Variants in CBLB observed in about 807,000 individuals in gnomAD.
CBLB encodes Cbl proto-oncogene B, also known as E3 ubiquitin-protein ligase CBL-B.
In CBLB, 31 loss-of-function variants were observed where a neutral mutation model predicts 104.9. The ratio of observed to expected loss-of-function variants is 0.30; its 90% CI spans 0.22 to 0.40. The LOEUF is 0.40. Among genes scored for constraint, CBLB ranks in the 10% least tolerant of loss-of-function variants. CBLB has a pLI of 1.00. For synonymous variants in CBLB, 440 were observed against 422.6 expected (o/e 1.04, Z -0.51); for missense variants, 1,062 against 1,214.6 (o/e 0.87, Z 1.87).
intron 10 of CBLB, among the ~76,000 whole-genome samples, chr3:105,704,579 G>C (rs2069780427): frequency 1.3e-5 from 2 of 151,764 alleles, no homozygotes; most frequent in Non-Finnish European, 2.9e-5. Flanking sequence ...CTAATACTTA[G>C]CTATTGCTTT....
At chr3:105,689,862 A>G (rs759193691) in intron 13 of CBLB, among the ~76,000 whole-genome samples, 4 of 152,094 alleles carry the variant, frequency 2.6e-5, no homozygotes, top group African/African-American at 2.4e-5. Flanking sequence ...GAAACCATTT[A>G]GAAAAAAACA....
At chr3:105,703,911 TG>T (rs1240512903) in intron 11 of CBLB, 76 bp downstream of exon 11, 1 of 1,361,200 alleles carries the variant, frequency 7.3e-7, no homozygotes, top group Non-Finnish European at 1.0e-6. Context: ...ATATGAGTAA[TG>T]GAATTTAAAA....
In CBLB at chr3:105,719,456, C is replaced by T. The variant is rs1365298991; in HGVS notation, c.1407+591G>A. Among the ~76,000 whole-genome samples, 6 of 152,198 alleles carry T rather than the reference C, an allele frequency of 3.9e-5. No individual in the cohort carries two copies. In the East Asian group the frequency reaches 1.2e-3, roughly 29 times the overall value. ...ACAATGACATTTCGGTAATGGACCA[C>T]ATACATCATGGTGATCCTATAAGAT... On this transcript the variant is annotated intron_variant, in intron 10 of 18. Transcript: ENST00000394030.
Position 105,659,213 on chromosome 3 carries a change from T to C in CBLB, c.2706A>G (p.Pro902=). The C allele has an allele frequency of 1.9e-6, 3 of 1,614,002 alleles. No individual in the cohort carries two copies. The highest frequency in any genetic ancestry group is 2.5e-6 in the Non-Finnish European group (3 of 1,179,902). Residue 902 remains proline (P), a synonymous_variant, in exon 19 of 19, where the codon CCA becomes CCG. Transcript: ENST00000394030. ...LPSCSDGSQA[P]ARPPKPRPRR... ...GCGGTCGTGGTTTAGGGGGTCTGGCTGGTGCCTGTGAACCATCTGTGTAGA... is the reference window on the plus strand; with the variant it reads ...GCGGTCGTGGTTTAGGGGGTCTGGCCGGTGCCTGTGAACCATCTGTGTAGA...
At chr3:105,704,286 A>C in intron 10 of CBLB, 113 bp from the exon 11 acceptor site, 1 of 956,524 alleles carries the variant, frequency 1.0e-6, no homozygotes, top group Non-Finnish European at 1.7e-6. Flanking sequence ...CATTTGTTAA[A>C]ATGAATTCCC....
chr3:105,780,001 GCA>G (rs2079984142), intron 3 of CBLB, among the ~76,000 whole-genome samples: 1 of 151,550 alleles, frequency 6.6e-6, no homozygotes. Flanking sequence ...TTACAGGTAT[GCA>G]CCACCATGCC....
At chr3:105,816,699 T>C (rs1247303726) in intron 3 of CBLB, among the ~76,000 whole-genome samples, 1 of 152,190 alleles carries the variant, frequency 6.6e-6, no homozygotes, top group Non-Finnish European at 1.5e-5. Flanking sequence ...CTAAGTACTT[T>C]TTAAAAACAA....
chr3:105,686,314 GA>G (rs2066991820), intron 13 of CBLB, among the ~76,000 whole-genome samples: 1 of 152,122 alleles, frequency 6.6e-6, no homozygotes, highest in South Asian at 2.1e-4. Context: ...TGCCAAGGCA[GA>G]AATGCACAAA....
At chr3:105,766,823 A>G (rs1007554210) in intron 4 of CBLB, among the ~76,000 whole-genome samples, 2 of 152,132 alleles carry the variant, frequency 1.3e-5, no homozygotes, top group Non-Finnish European at 2.9e-5. Flanking sequence ...TAAACCCACA[A>G]TATCTCTGAG....
At chr3:105,693,645 G>A (rs1327820845) in intron 12 of CBLB, 57 bp from the exon 13 acceptor site, 1 of 1,088,846 alleles carries the variant, frequency 9.2e-7, no homozygotes, top group Non-Finnish European at 1.4e-6. Context: ...GGACCTTAAA[G>A]CCATAGCTGC....
intron 3 of CBLB, 59 bp from the exon 4 acceptor site, chr3:105,776,601 T>G: frequency 7.0e-7 from 1 of 1,429,652 alleles, no homozygotes; most frequent in South Asian, 1.2e-5. Flanking sequence ...GCATGCAAAT[T>G]TTTATGGTAA....
At position 105,816,011 on chromosome 3, in the gene CBLB, T is replaced by C. The variant is rs568739707; in HGVS notation, c.419+37403A>G. ...AAGTGGGAGTTGAACAATGAGAACA[T>C]ATGGGCACAGGGAGGGGAACATCAC... On this transcript the variant is annotated intron_variant, in intron 3 of 18. Coordinates refer to ENST00000394030, the MANE Select transcript of CBLB (RefSeq NM_170662.5). Among the ~76,000 whole-genome samples the C allele has an allele frequency of 1.7e-3, 252 of 151,868 alleles. 1 individual carries two copies. The highest frequency in any genetic ancestry group is 4.4e-3 in the African/African-American group (184 of 41,402).
At chr3:105,741,824 T>C (rs992004270) in intron 6 of CBLB, among the ~76,000 whole-genome samples, 2 of 152,228 alleles carry the variant, frequency 1.3e-5, no homozygotes, top group African/African-American at 4.8e-5. Context: ...CGGCCAACTG[T>C]TAAAAAAATA....
In CBLB at chr3:105,706,934, T is replaced by C. The variant is rs575036845; in HGVS notation, c.1408-2761A>G. ...TGCAAATATTTTCCTACTTCTCTCA[T>C]TAACTGAAACAAGACACAGAATTGT... On this transcript the variant is annotated intron_variant, in intron 10 of 18. Coordinates refer to ENST00000394030, the MANE Select transcript of CBLB (RefSeq NM_170662.5). Among the ~76,000 whole-genome samples the C allele has an allele frequency of 2.6e-5, 4 of 152,320 alleles. No homozygotes were observed. The South Asian group carries it at 8.3e-4, about 32-fold the overall frequency.
intron 10 of CBLB, among the ~76,000 whole-genome samples, chr3:105,709,068 T>C (rs747528405): frequency 1.4e-4 from 22 of 151,960 alleles, no homozygotes; most frequent in Non-Finnish European, 2.5e-4. Flanking sequence ...CTTAATGCAA[T>C]AGTAACAAAA....
chr3:105,840,708 T>A (rs2089416762), intron 3 of CBLB, among the ~76,000 whole-genome samples: 1 of 152,184 alleles, frequency 6.6e-6, no homozygotes, highest in Admixed American at 6.5e-5. Context: ...GGAATTGGAC[T>A]ACCTGGTGCT....
chr3:105,736,260 A>G (rs531456979), intron 8 of CBLB, among the ~76,000 whole-genome samples: 1 of 151,822 alleles, frequency 6.6e-6, no homozygotes, highest in Non-Finnish European at 1.5e-5. Flanking sequence ...ATCCCTTTTC[A>G]CCTCCTCAGT....
chr3:105,733,228 G>T (rs1221899306), intron 9 of CBLB, among the ~76,000 whole-genome samples: 2 of 151,958 alleles, frequency 1.3e-5, no homozygotes, highest in Non-Finnish European at 2.9e-5. Flanking sequence ...ACGGTGGCGG[G>T]CACCTGTAGA....
intron 12 of CBLB, among the ~76,000 whole-genome samples, chr3:105,699,758 A>C (rs778366021): frequency 1.3e-5 from 2 of 152,192 alleles, no homozygotes; most frequent in African/African-American, 2.4e-5. Context: ...TCTGTTTTAT[A>C]GTTTTGTGGC....
Sources: gnomAD v4.1 joint callset for allele counts (sites outside exome capture counted in the v4.1 genomes callset) on GRCh38, gnomAD v4.1.1 for gene constraint, MANE v1.5 for transcripts, NCBI Gene and HGNC (gene_info 2026-07-23, HGNC 2026-07-21) for gene names.